The following TTC3 variants were observed in gnomAD, a reference collection of about 807,000 sequenced individuals.
TTC3 encodes the protein E3 ubiquitin-protein ligase TTC3.
In TTC3, 180 loss-of-function variants were observed where a neutral mutation model predicts 249.6. That is an observed-to-expected ratio of 0.72 (90% CI 0.64 to 0.82). The LOEUF (loss-of-function observed/expected upper bound fraction) is 0.82. TTC3 is among the 40% of genes least tolerant of loss of function. TTC3 has a pLI of 0.00. For missense variants in TTC3, 2,061 were observed against 2,398.4 expected (o/e 0.86, Z 2.94); for synonymous variants, 717 against 805.0 (o/e 0.89, Z 1.85).
At chr21:37,185,588 A>AAT in intron 36 of TTC3, 118 bp from the exon 37 acceptor site, 2 of 491,150 alleles carry the variant, frequency 4.1e-6, no homozygotes, top group Admixed American at 4.2e-5. Context: ...AAAATGTAAA[A>AAT]ATATATATAT....
chr21:37,164,711 A>G (rs1601912349), intron 32 of TTC3, among the ~76,000 whole-genome samples: 1 of 152,174 alleles, frequency 6.6e-6, no homozygotes, highest in East Asian at 1.9e-4. Context: ...CTAAGTCGAT[A>G]CTGAGTGGGG....
chr21:37,074,686 C>G (rs1461072029), intron 1 of TTC3, among the ~76,000 whole-genome samples: 1 of 152,080 alleles, frequency 6.6e-6, no homozygotes, highest in Non-Finnish European at 1.5e-5. Context: ...GCGATTTATC[C>G]TAAGGAAAAT....
intron 10 of TTC3, among the ~76,000 whole-genome samples, chr21:37,100,279 G>A (rs1431153536): frequency 6.6e-6 from 1 of 152,106 alleles, no homozygotes; most frequent in Non-Finnish European, 1.5e-5. Context: ...AATGTTCTCT[G>A]TACTTTTATG....
chr21:37,085,342 A>G (rs978021391), intron 1 of TTC3, among the ~76,000 whole-genome samples: 6 of 152,226 alleles, frequency 3.9e-5, no homozygotes, highest in African/African-American at 1.4e-4. Flanking sequence ...AGAAATATTC[A>G]TGCAGAATAG....
chr21:37,113,809 A>C (rs1250119315), intron 11 of TTC3, among the ~76,000 whole-genome samples: 2 of 152,230 alleles, frequency 1.3e-5, no homozygotes, highest in African/African-American at 4.8e-5. Context: ...TACAGTAACT[A>C]AAACAGCATG....
intron 41 of TTC3, chr21:37,194,654 A>C (rs1002912506): frequency 3.3e-5 from 5 of 152,258 alleles, no homozygotes; most frequent in Non-Finnish European, 7.3e-5. Flanking sequence ...CTATGGTCAG[A>C]ACAAATCTAC....
intron 40 of TTC3, among the ~76,000 whole-genome samples, chr21:37,191,901 AT>A (rs961871373): frequency 1.3e-5 from 2 of 152,050 alleles, no homozygotes; most frequent in African/African-American, 4.8e-5. Context: ...AAGTAGTGAT[AT>A]TTTCTTAATT....
exon 33 of TTC3, chr21:37,165,597 A>C: frequency 1.9e-6 from 3 of 1,612,940 alleles, no homozygotes; most frequent in Non-Finnish European, 2.5e-6. Context: ...GACATGAGTA[A>C]CAAGATGTTC....
At chr21:37,135,062 T>C (rs1350500429) in intron 17 of TTC3, among the ~76,000 whole-genome samples, 1 of 152,210 alleles carries the variant, frequency 6.6e-6, no homozygotes, top group Non-Finnish European at 1.5e-5. Flanking sequence ...TTGTTTTTCA[T>C]ATATATTGTT....
chr21:37,152,440 G>A (rs2079563465), intron 26 of TTC3, among the ~76,000 whole-genome samples: 1 of 147,572 alleles, frequency 6.8e-6, no homozygotes, highest in African/African-American at 2.5e-5. Flanking sequence ...AGGCTGGAGT[G>A]CAGTGGCGCG....
chr21:37,152,448 G>A (rs993488562), intron 26 of TTC3, among the ~76,000 whole-genome samples: 25 of 148,928 alleles, frequency 1.7e-4, no homozygotes, highest in Non-Finnish European at 2.7e-4. Flanking sequence ...GTGCAGTGGC[G>A]CGATCTCGGC....
rs547530185 is a variant in TTC3 at position 37,073,772 on chromosome 21, G to C, written c.-12+408G>C. Among the ~76,000 whole-genome samples, 7 of 152,266 alleles carry C rather than the reference G, an allele frequency of 4.6e-5. No homozygotes were observed. The South Asian group carries it at 1.4e-3, about 32-fold the overall frequency. The stretch of plus-strand genomic sequence containing the variant: ...TCGCCCCTTTTGTGTCGGTGTCCGC[G>C]CTCCCTGGCGGCTGCGTGGGCGCTC... On this transcript the variant is annotated intron_variant, in intron 1 of 45. Coordinates refer to ENST00000355666, the Ensembl canonical transcript of TTC3.
At chr21:37,135,348 C>T (rs750048756) in intron 17 of TTC3, 32 bp from the exon 18 acceptor site, 8 of 1,578,298 alleles carry the variant, frequency 5.1e-6, no homozygotes, top group East Asian at 4.5e-5. Flanking sequence ...TGTGTAGATT[C>T]AGGTTACTGA....
intron 38 of TTC3, 133 bp downstream of exon 38, chr21:37,187,278 T>C: frequency 1.6e-6 from 1 of 643,140 alleles, no homozygotes. Flanking sequence ...CCATAATATA[T>C]CCTCCCTAAA....
In TTC3 at chr21:37,200,227, C is replaced by A. The variant is rs1364596273; in HGVS notation, c.5851-5C>A. 6.2e-7 allele frequency: 1 copy of A among 1,613,710 alleles called. No homozygotes were observed. Among genetic ancestry groups the A allele is most frequent in the South Asian group, 1.1e-5 (1 of 91,002 alleles). On this transcript the variant is annotated splice_polypyrimidine_tract_variant and splice_region_variant and intron_variant, in intron 44 of 45. Coordinates refer to ENST00000355666, the Ensembl canonical transcript of TTC3. Reference sequence around the variant, plus strand: ...TTTACTATTCAGGTGTGTTTGTTTCCACAGGCACTGGGTGCAAGTTCCTGT... The same window carrying A: ...TTTACTATTCAGGTGTGTTTGTTTCAACAGGCACTGGGTGCAAGTTCCTGT...
At chr21:37,155,353 C>T (rs1787363) in intron 27 of TTC3, among the ~76,000 whole-genome samples, 152,296 of 152,296 alleles carry the variant, frequency 1, 76,148 homozygotes, top group Non-Finnish European at 1. Flanking sequence ...ATTTAACATC[C>T]CAATAGTGAA....
chr21:37,138,772 AATT>A lies in TTC3; in HGVS notation c.1659+62_1659+64del, dbSNP rs1173985869. 8.1e-6 allele frequency: 10 copies of A among 1,240,268 alleles called. No homozygotes were observed. In the African/African-American group the frequency reaches 1.4e-4, roughly 17 times the overall value. The allele number at this position is 1,240,268 out of a possible 1,614,324, so 76.8% of individuals were successfully genotyped here. A position where few individuals can be genotyped will look rare whatever the true frequency, so the allele number is the denominator to read the frequency against. On this transcript the variant is annotated intron_variant, in intron 19 of 45. Transcript: ENST00000355666. ...AAATGATATTGACATATCTTATAAA[AATT>A]ATTTTCTCATTTTTACCCATTTTCT...
At chr21:37,109,968 C>T (rs577847624) in intron 11 of TTC3, among the ~76,000 whole-genome samples, 1 of 152,308 alleles carries the variant, frequency 6.6e-6, no homozygotes, top group Non-Finnish European at 1.5e-5. Flanking sequence ...AGTGGACCTC[C>T]AGTAAACTCC....
intron 20 of TTC3, among the ~76,000 whole-genome samples, chr21:37,143,379 A>T (rs1307984326): frequency 6.6e-6 from 1 of 152,000 alleles, no homozygotes; most frequent in Non-Finnish European, 1.5e-5. Context: ...GAATCTACAA[A>T]GAACTCAAAC....
Sources: allele counts gnomAD v4.1 joint callset (sites outside exome capture counted in the v4.1 genomes callset), GRCh38; gene constraint gnomAD v4.1.1; transcripts MANE v1.5; gene names NCBI Gene and HGNC (gene_info 2026-07-23, HGNC 2026-07-21).